Variants in CSMD1 observed in about 807,000 individuals in gnomAD.
CSMD1 encodes the protein CUB and Sushi multiple domains 1.
In CSMD1, 213 loss-of-function variants were observed where a neutral mutation model predicts 417.5. The observed-to-expected ratio is 0.51, with a 90% confidence interval of 0.46 to 0.57. The LOEUF is 0.57. Ranked by LOEUF, CSMD1 falls within the 20% of genes least tolerant of loss-of-function variation. The pLI is 0.00. For synonymous variants in CSMD1, 2,862 were observed against 1,736.8 expected (o/e 1.65, Z -16.11); for missense variants, 6,923 against 4,529.7 (o/e 1.53, Z -15.17).
chr8:4,802,675 A>G (rs967727686), intron 1 of CSMD1, among the ~76,000 whole-genome samples: 10 of 152,150 alleles, frequency 6.6e-5, no homozygotes, highest in Non-Finnish European at 1.5e-4. Flanking sequence ...GTAATACCTC[A>G]TTAATACTGT....
In CSMD1 at chr8:4,445,957, G is replaced by C. The variant is rs1154066; in HGVS notation, c.303-25892C>G. On this transcript the variant is annotated intron_variant, in intron 2 of 69. Coordinates refer to ENST00000635120, the MANE Select transcript of CSMD1 (RefSeq NM_033225.6). ...CAGAGAAAAAGTATTTCGGTGTTGA[G>C]GTAGACGAAAGGATAGCAACAATGT... is the stretch of plus-strand genomic sequence containing the variant. Among the ~76,000 whole-genome samples the C allele has an allele frequency of 7.7e-3, 1,174 of 152,228 alleles. 13 individuals carry two copies. The highest frequency in any genetic ancestry group is 0.026 in the African/African-American group (1,064 of 41,520).
intron 5 of CSMD1, among the ~76,000 whole-genome samples, chr8:3,769,020 G>T (rs554485885): frequency 6.6e-6 from 1 of 152,238 alleles, no homozygotes; most frequent in African/African-American, 2.4e-5. Flanking sequence ...TGGGGAGGGC[G>T]TTAGTTGCTT....
rs558356234 is a variant in CSMD1, at chr8:4,619,999, C to T, written c.302+17343G>A. 6.6e-5 allele frequency among the ~76,000 whole-genome samples: 10 copies of T among 151,920 alleles called. No homozygotes were observed. The East Asian group carries it at 1.9e-3, about 29-fold the overall frequency. ...CATGAGGCATAATTACAAATATGTT[C>T]TTAAGCATTGATTTTATATATGCAT... On this transcript the variant is annotated intron_variant, in intron 2 of 69. Transcript: ENST00000635120.
intron 10 of CSMD1, among the ~76,000 whole-genome samples, chr8:3,515,582 A>G (rs1014574627): frequency 5.3e-5 from 8 of 152,242 alleles, no homozygotes; most frequent in African/African-American, 1.9e-4. Flanking sequence ...TCGGAAGTTT[A>G]GAATGTTTCC....
intron 3 of CSMD1, among the ~76,000 whole-genome samples, chr8:4,100,454 A>C (rs939027049): frequency 6.6e-6 from 1 of 152,124 alleles, no homozygotes; most frequent in Non-Finnish European, 1.5e-5. Context: ...CTATCCTTTT[A>C]TCTCCAAATG....
intron 10 of CSMD1, among the ~76,000 whole-genome samples, chr8:3,553,490 G>C (rs1022588609): frequency 6.6e-6 from 1 of 152,146 alleles, no homozygotes; most frequent in African/African-American, 2.4e-5. Flanking sequence ...ATATTCCTAA[G>C]ACAGCTGCGT....
intron 2 of CSMD1, among the ~76,000 whole-genome samples, chr8:4,493,422 C>A (rs192211085): frequency 2.0e-3 from 311 of 152,152 alleles, no homozygotes; most frequent in Admixed American, 4.3e-3. Flanking sequence ...ATGGTCGGGA[C>A]TGGTGGTTCA....
At chr8:3,881,060 A>G (rs967997766) in intron 5 of CSMD1, among the ~76,000 whole-genome samples, 5 of 152,274 alleles carry the variant, frequency 3.3e-5, no homozygotes, top group Non-Finnish European at 5.9e-5. Context: ...GAGTGAATTC[A>G]AAAAATTATA....
chr8:4,948,260 T>C (rs1037393938), intron 1 of CSMD1, among the ~76,000 whole-genome samples: 5 of 152,098 alleles, frequency 3.3e-5, no homozygotes, highest in African/African-American at 1.2e-4. Context: ...TTTATCGTCT[T>C]TACCATTAAT....
At chr8:4,006,823 A>ATTTTTTTTTT (rs759780050) in intron 4 of CSMD1, among the ~76,000 whole-genome samples, 1 of 95,978 alleles carries the variant, frequency 1.0e-5, no homozygotes, top group Non-Finnish European at 1.9e-5. Flanking sequence ...GACTTTTCCT[A>ATTTTTTTTTT]TTTTTTTTTT....
intron 5 of CSMD1, among the ~76,000 whole-genome samples, chr8:3,966,209 T>A (rs550226655): frequency 6.6e-6 from 1 of 152,146 alleles, no homozygotes; most frequent in African/African-American, 2.4e-5. Flanking sequence ...ATATGCCAGA[T>A]TGCCAGCTTA....
intron 9 of CSMD1, among the ~76,000 whole-genome samples, chr8:3,576,939 T>G (rs1208114517): frequency 6.6e-6 from 1 of 152,246 alleles, no homozygotes; most frequent in Non-Finnish European, 1.5e-5. Context: ...ATAAACATCA[T>G]GTAGCGTTCA....
chr8:3,710,206 C>T (rs1801430402), intron 6 of CSMD1, among the ~76,000 whole-genome samples: 2 of 151,868 alleles, frequency 1.3e-5, no homozygotes, highest in Admixed American at 1.3e-4. Context: ...CCAAAAAATG[C>T]TTCTATACAT....
chr8:4,554,646 G>C (rs182271053), intron 2 of CSMD1, among the ~76,000 whole-genome samples: 6 of 152,220 alleles, frequency 3.9e-5, no homozygotes, highest in East Asian at 1.9e-4. Flanking sequence ...AGTTGCCATA[G>C]GCAACATTTA....
At chr8:4,436,008 C>T (rs1354549775) in intron 2 of CSMD1, among the ~76,000 whole-genome samples, 1 of 152,198 alleles carries the variant, frequency 6.6e-6, no homozygotes, top group African/African-American at 2.4e-5. Context: ...GAATTAACTT[C>T]ATACGCAGCA....
At chr8:3,433,227 G>A (rs941082300) in intron 12 of CSMD1, among the ~76,000 whole-genome samples, 1 of 152,200 alleles carries the variant, frequency 6.6e-6, no homozygotes, top group South Asian at 2.1e-4. Flanking sequence ...TGTTGACATA[G>A]AGATGTAGTT....
intron 26 of CSMD1, among the ~76,000 whole-genome samples, chr8:3,232,127 C>T (rs988694853): frequency 5.3e-5 from 8 of 152,158 alleles, no homozygotes; most frequent in African/African-American, 1.7e-4. Flanking sequence ...CATACCCTTC[C>T]CCATATCACC....
At chr8:2,999,042 TGA>T (rs1173998238) in intron 53 of CSMD1, among the ~76,000 whole-genome samples, 2 of 152,170 alleles carry the variant, frequency 1.3e-5, no homozygotes, top group Non-Finnish European at 2.9e-5. Context: ...GGCAATAAAG[TGA>T]GAGTACATTG....
intron 1 of CSMD1, among the ~76,000 whole-genome samples, chr8:4,838,663 G>C (rs960618740): frequency 2.6e-5 from 4 of 152,178 alleles, no homozygotes; most frequent in African/African-American, 4.8e-5. Context: ...CGCGGAGGTG[G>C]GATGAGAAGC....
Sources: allele counts gnomAD v4.1 joint callset (sites outside exome capture counted in the v4.1 genomes callset), GRCh38; gene constraint gnomAD v4.1.1; transcripts MANE v1.5; gene names NCBI Gene and HGNC (gene_info 2026-07-23, HGNC 2026-07-21).